The following DIP2A variants were observed in gnomAD, a reference collection of about 807,000 sequenced individuals.
DIP2A encodes the protein disco-interacting protein 2 homolog A.
Under a neutral mutation model 177.4 loss-of-function variants are expected in DIP2A, and 85 were observed. The observed-to-expected ratio is 0.48, with a 90% CI of 0.40 to 0.57. DIP2A has a LOEUF of 0.57. Ranked by LOEUF, DIP2A falls within the 20% of genes least tolerant of loss-of-function variation. DIP2A has a pLI of 0.00. For synonymous variants in DIP2A, 886 were observed against 881.8 expected, an observed-to-expected ratio of 1.00 and a Z score of -0.08; for missense variants, 1,791 against 2,100.2, an observed-to-expected ratio of 0.85 and a Z score of 2.88.
At chr21:46,516,911 C>T (rs1262267670) in intron 8 of DIP2A, among the ~76,000 whole-genome samples, 2 of 152,080 alleles carry the variant, frequency 1.3e-5, no homozygotes, top group African/African-American at 4.8e-5. Context: ...GGAAAAATTT[C>T]TCATTATTCC....
chr21:46,524,025 G>C (rs1194007107), intron 8 of DIP2A, among the ~76,000 whole-genome samples: 1 of 152,226 alleles, frequency 6.6e-6, no homozygotes, highest in Non-Finnish European at 1.5e-5. Flanking sequence ...TCAGGCAGCC[G>C]CTTGTCAGTA....
intron 19 of DIP2A, 131 bp from the exon 20 acceptor site, chr21:46,545,737 CTGGGCCTATGCAG>C: frequency 2.2e-6 from 2 of 910,636 alleles, no homozygotes; most frequent in South Asian, 3.1e-5. Flanking sequence ...GCCACAGAAA[CTGGGCCTATGCAG>C]GGCCAGCCTC....
chr21:46,554,515 CAG>C lies in DIP2A; in HGVS notation c.3155-57_3155-56del, dbSNP rs2060386574. The C allele has an allele frequency of 1.9e-6, 3 of 1,591,996 alleles. No individual in the cohort carries two copies. In the Admixed American group the frequency reaches 5.3e-5, roughly 28 times the overall value. On this transcript the variant is annotated intron_variant, in intron 26 of 37. Transcript: ENST00000417564. ...CCTCCTCTCTCGCAGGAACAGTGAA[CAG>C]AGGCTGGTGGGAGCCTCTTGCGGCC...
chr21:46,565,677 G>A (rs757022006), intron 35 of DIP2A, 36 bp from the exon 36 acceptor site: 20 of 1,585,230 alleles, frequency 1.3e-5, no homozygotes, highest in Non-Finnish European at 1.7e-5. Context: ...TCGGTGGTTG[G>A]TAACACATCA....
chr21:46,517,822 G>T (rs756649690), intron 8 of DIP2A, among the ~76,000 whole-genome samples: 53 of 152,334 alleles, frequency 3.5e-4, no homozygotes, highest in South Asian at 4.1e-4. Flanking sequence ...TCAGCCCCCC[G>T]TGGGGGCTGG....
At chr21:46,504,658 CAT>C (rs1465711926) in intron 6 of DIP2A, among the ~76,000 whole-genome samples, 169 bp downstream of exon 6, 1 of 152,132 alleles carries the variant, frequency 6.6e-6, no homozygotes, top group Non-Finnish European at 1.5e-5. Context: ...TAGAAAGCAT[CAT>C]GTGGAGAAAT....
intron 27 of DIP2A, 28 bp from the exon 28 acceptor site, chr21:46,554,794 C>A: frequency 1.9e-6 from 1 of 516,750 alleles, no homozygotes; most frequent in South Asian, 1.6e-5. Flanking sequence ...AGGCCCCGCC[C>A]ACCCACCCTT....
At chr21:46,521,983 A>G (rs2058843699) in intron 8 of DIP2A, among the ~76,000 whole-genome samples, 1 of 152,180 alleles carries the variant, frequency 6.6e-6, no homozygotes, top group African/African-American at 2.4e-5. Flanking sequence ...TGCTTTTCCC[A>G]TAGTCCCATA....
chr21:46,466,745 C>T (rs905840150), intron 1 of DIP2A, among the ~76,000 whole-genome samples: 1 of 151,764 alleles, frequency 6.6e-6, no homozygotes, highest in Non-Finnish European at 1.5e-5. Context: ...AGACACCCCA[C>T]CTTTTTCCAA....
intron 1 of DIP2A, among the ~76,000 whole-genome samples, chr21:46,459,983 G>T (rs1031946430): frequency 2.6e-5 from 4 of 152,064 alleles, no homozygotes; most frequent in African/African-American, 9.7e-5. Context: ...GACTGCGCCC[G>T]TTGTCCGCAG....
intron 6 of DIP2A, among the ~76,000 whole-genome samples, chr21:46,507,028 C>T (rs1323923856): frequency 2.0e-5 from 3 of 151,944 alleles, no homozygotes; most frequent in Admixed American, 2.0e-4. Flanking sequence ...CCTGCCTTGG[C>T]TTCCCAAAGT....
intron 3 of DIP2A, among the ~76,000 whole-genome samples, chr21:46,493,492 G>T (rs982549231): frequency 2.6e-4 from 40 of 152,030 alleles, no homozygotes; most frequent in Non-Finnish European, 7.4e-5. Context: ...TTGTATGTCT[G>T]ATAATATTTT....
At chr21:46,539,124 C>T in intron 16 of DIP2A, 1 of 92,328 alleles carries the variant, frequency 1.1e-5, no homozygotes, top group Non-Finnish European at 2.4e-5. Flanking sequence ...CAAGGCTGCA[C>T]ACGTGAGCTC....
chr21:46,557,219 C>A lies in DIP2A; in HGVS notation c.3629+150C>A. The A allele has an allele frequency of 2.3e-6, 2 of 866,418 alleles. No homozygotes were observed. The highest frequency in any genetic ancestry group is 3.4e-6 in the Non-Finnish European group (2 of 583,788). The allele number at this position is 866,418 out of a possible 1,614,324, so 53.7% of individuals were successfully genotyped here. A position where few individuals can be genotyped will look rare whatever the true frequency, so the allele number is the denominator to read the frequency against. Reference sequence around the variant, plus strand: ...GTTTGGGGATGAAGTGGGTTGGAGTCTGAGTCTGAAATTGAGTGAAAATAC... The same window carrying A: ...GTTTGGGGATGAAGTGGGTTGGAGTATGAGTCTGAAATTGAGTGAAAATAC... On this transcript the variant is annotated intron_variant, in intron 30 of 37. Coordinates refer to ENST00000417564, the MANE Select transcript of DIP2A (RefSeq NM_015151.4). This position sits in a 1 kb window ranked among gnomAD's most constrained non-coding sequence, Gnocchi z 6.0.
chr21:46,542,393 A>G (rs1227364639), intron 18 of DIP2A, among the ~76,000 whole-genome samples: 1 of 152,202 alleles, frequency 6.6e-6, no homozygotes, highest in African/African-American at 2.4e-5. Context: ...TCTGAGGAAA[A>G]TGGTAATGTT....
chr21:46,511,521 G>T lies in DIP2A; in HGVS notation c.1009G>T (p.Ala337Ser). Residue 337 changes from alanine to serine, a missense_variant, in exon 8 of 38, where the codon GCC (alanine) becomes TCC (serine). Physicochemically the swap from Ala to Ser is moderately conservative, Grantham distance 99. Transcript: ENST00000417564. ...AGVPRPPSLLATLQRWGTTQP... is the reference protein window; with the variant it reads ...AGVPRPPSLLSTLQRWGTTQP... ...TGTCCCCCGACCGCCGTCGCTGTTG[G>T]CCACCTTGCAGCGCTGGGGCACAAC... is the stretch of plus-strand genomic sequence containing the variant. The T allele has an allele frequency of 6.2e-7, 1 of 1,612,354 alleles. No homozygotes were observed. The highest frequency in any genetic ancestry group is 1.3e-5 in the African/African-American group (1 of 74,896).
chr21:46,531,873 G>T (rs2059370594), intron 9 of DIP2A, among the ~76,000 whole-genome samples: 1 of 152,202 alleles, frequency 6.6e-6, no homozygotes, highest in African/African-American at 2.4e-5. Flanking sequence ...CTCAAGTACA[G>T]AATATAGATA....
chr21:46,581,334 A>C, the DIP2A span, among the ~76,000 whole-genome samples: 2 of 152,188 alleles, frequency 1.3e-5, no homozygotes, highest in South Asian at 4.1e-4. Flanking sequence ...TATTCTGGTT[A>C]ACAGCTCTTG....
At position 46,541,843 on chromosome 21, in the gene DIP2A, A is replaced by C. The variant is rs1366173648; in HGVS notation, c.2124A>C (p.Glu708Asp). Residue 708 changes from glutamate (E) to aspartate (D), a missense_variant, in exon 18 of 38, where the codon GAA becomes GAC. Physicochemically the swap from Glu to Asp is conservative, Grantham distance 45. Coordinates refer to ENST00000417564, the MANE Select transcript of DIP2A (RefSeq NM_015151.4). ...LSYGVIRVDTEEKLSVLTVQD... is the reference protein window; with the variant it reads ...LSYGVIRVDTDEKLSVLTVQD... ...ATGGTGTTATCAGAGTGGATACTGA[A>C]GAAAAGTTGTCAGTCCTTACTGTTC... The C allele has an allele frequency of 6.2e-7, 1 of 1,614,036 alleles. No homozygotes were observed. The highest frequency in any genetic ancestry group is 1.7e-5 in the Admixed American group (1 of 60,026).
Sources: allele counts gnomAD v4.1 joint callset (sites outside exome capture counted in the v4.1 genomes callset), GRCh38; gene constraint gnomAD v4.1.1; non-coding constraint Gnocchi (gnomAD v3.1); transcripts MANE v1.5; gene names NCBI Gene and HGNC (gene_info 2026-07-23, HGNC 2026-07-21).